CCDC83: variants seen among roughly 807,000 people sequenced by gnomAD.
The protein encoded by CCDC83 is coiled-coil domain-containing protein 83.
A neutral mutation model predicts 50.1 loss-of-function variants in CCDC83; 54 were observed. The ratio of observed to expected loss-of-function variants is 1.08; its 90% confidence interval spans 0.87 to 1.35. CCDC83 has a LOEUF of 1.35. Among genes scored for constraint, CCDC83 ranks in the 40% most tolerant of loss-of-function variants. CCDC83 has a pLI of 0.00. For missense variants in CCDC83, 518 were observed against 473.9 expected (o/e 1.09, Z -0.86); for synonymous variants, 161 against 153.3 (o/e 1.05, Z -0.37).
At chr11:85,859,681 T>C (rs938831367) in intron 1 of CCDC83, among the ~76,000 whole-genome samples, 4 of 152,164 alleles carry the variant, frequency 2.6e-5, no homozygotes, top group African/African-American at 9.7e-5. Context: ...CAAGATGAAT[T>C]AAATACTTAA....
intron 1 of CCDC83, among the ~76,000 whole-genome samples, chr11:85,858,264 G>T (rs907031492): frequency 6.6e-6 from 1 of 152,162 alleles, no homozygotes; most frequent in Non-Finnish European, 1.5e-5. Context: ...TGAGGCAATG[G>T]CTGAAGCCCA....
intron 1 of CCDC83, among the ~76,000 whole-genome samples, chr11:85,859,184 C>T (rs1474699077): frequency 7.9e-6 from 1 of 126,464 alleles, no homozygotes; most frequent in African/African-American, 2.9e-5. Flanking sequence ...AAAAAAACCC[C>T]TAGGAATACA....
intron 6 of CCDC83, among the ~76,000 whole-genome samples, chr11:85,895,918 A>G (rs2093372543): frequency 1.3e-5 from 2 of 152,290 alleles, no homozygotes; most frequent in Admixed American, 6.5e-5. Flanking sequence ...GGCTCAAGCA[A>G]TCCTCTCACG....
rs1470017015 is a variant in CCDC83, at chr11:85,863,640, G to A, written c.-28-1456G>A. On this transcript the variant is annotated intron_variant, in intron 1 of 10. Transcript: ENST00000342404. ...CAGGCAGCATGTCTACAGAGAAAAA[G>A]CGTGTTTTCATATTAACAAGTTTCT... Among the ~76,000 whole-genome samples the A allele has an allele frequency of 4.6e-5, 7 of 152,324 alleles. No homozygotes were observed. In the East Asian group the frequency reaches 1.2e-3, roughly 25 times the overall value.
At chr11:85,863,133 TAGAA>T (rs1157311079) in intron 1 of CCDC83, among the ~76,000 whole-genome samples, 3 of 152,224 alleles carry the variant, frequency 2.0e-5, no homozygotes, top group Admixed American at 6.5e-5. Flanking sequence ...CCATATGACT[TAGAA>T]AGAGATTAAT....
At chr11:85,901,099 G>C (rs1046458593) in intron 7 of CCDC83, among the ~76,000 whole-genome samples, 8 of 151,312 alleles carry the variant, frequency 5.3e-5, no homozygotes, top group African/African-American at 1.9e-4. Flanking sequence ...AGACACATTG[G>C]CTCACATCTA....
chr11:85,886,520 A>G (rs976373428), intron 5 of CCDC83, among the ~76,000 whole-genome samples, 153 bp downstream of exon 5: 1 of 152,096 alleles, frequency 6.6e-6, no homozygotes, highest in Non-Finnish European at 1.5e-5. Flanking sequence ...TGGAGGGAGG[A>G]AGCAGAAAAA....
At chr11:85,870,154 G>A (rs2093229013) in intron 2 of CCDC83, among the ~76,000 whole-genome samples, 1 of 152,236 alleles carries the variant, frequency 6.6e-6, no homozygotes, top group Admixed American at 6.5e-5. Flanking sequence ...TTAAATATGA[G>A]TTTCAGATAA....
chr11:85,877,640 T>C (rs369727749), intron 3 of CCDC83, among the ~76,000 whole-genome samples: 2 of 152,336 alleles, frequency 1.3e-5, no homozygotes, highest in Non-Finnish European at 1.5e-5. Context: ...GTATATTATA[T>C]ACATTTCTTT....
Position 85,917,166 on chromosome 11 carries a change from G to GAGAGAGAGAAAGAA in CCDC83, c.1080+936_1080+937insGAGAGAAAGAAAGA, listed in dbSNP as rs756949334. 4.5e-4 allele frequency among the ~76,000 whole-genome samples: 28 copies of GAGAGAGAGAAAGAA among 62,460 alleles called. No homozygotes were observed. In the East Asian group the frequency reaches 9.7e-3, roughly 22 times the overall value. The allele number at this position is 62,460 out of a possible 152,430, so 41.0% of individuals were successfully genotyped here. A position where few individuals can be genotyped will look rare whatever the true frequency, so the allele number is the denominator to read the frequency against. On this transcript the variant is annotated intron_variant, in intron 10 of 10. Transcript: ENST00000342404. Reference sequence around the variant, plus strand: ...AGAGAGAGAGAGAGAGAGAGAGAGAGAGAAAGAAAGAAAGAAAGAAAGAAA... The same window carrying GAGAGAGAGAAAGAA: ...AGAGAGAGAGAGAGAGAGAGAGAGAGAGAGAGAGAAAGAAAGAAAGAAAGAAAGAAAGAAAGAAA...
intron 3 of CCDC83, among the ~76,000 whole-genome samples, chr11:85,874,090 T>C (rs1055966348): frequency 6.6e-6 from 1 of 152,218 alleles, no homozygotes; most frequent in African/African-American, 2.4e-5. Context: ...GGTATGAGCC[T>C]CAATTTCACT....
At chr11:85,860,340 A>G (rs2093168957) in intron 1 of CCDC83, among the ~76,000 whole-genome samples, 2 of 152,006 alleles carry the variant, frequency 1.3e-5, no homozygotes, top group East Asian at 3.9e-4. Context: ...AAGAACATGA[A>G]CAGATACTTT....
rs767082436 is a variant in CCDC83 at position 85,919,500 on chromosome 11, C to G, written c.1232C>G (p.Ser411Cys). The G allele has an allele frequency of 6.2e-7, 1 of 1,605,922 alleles. No individual in the cohort carries two copies. The highest frequency in any genetic ancestry group is 8.5e-7 in the Non-Finnish European group (1 of 1,176,776). The change falls in exon 11 of 11, where the codon TCT becomes TGT. Residue 411 changes from serine to cysteine, a missense_variant. Ser to Cys is a moderately radical substitution (Grantham distance 112). Coordinates refer to ENST00000342404, the MANE Select transcript of CCDC83 (RefSeq NM_001286159.2). ...CACATCACATATAAGATGATGAAGT[C>G]TTTTCTCTAAGACGGAAAGCTGCAA... ...ESHITYKMMKSFL is the reference protein window; with the variant it reads ...ESHITYKMMKCFL
intron 8 of CCDC83, among the ~76,000 whole-genome samples, chr11:85,913,147 T>G (rs1382394116): frequency 6.6e-6 from 1 of 152,222 alleles, no homozygotes; most frequent in Non-Finnish European, 1.5e-5. Flanking sequence ...GCTTCAGAGT[T>G]GGAAGAAATG....
Position 85,915,405 on chromosome 11 carries a change from A to G in CCDC83, c.795-14A>G. ...TATTGACTGACAGATTGTTTTTCTC[A>G]TTTGTTCTTTTAGGCGACTATATCT... On this transcript the variant is annotated splice_polypyrimidine_tract_variant and intron_variant, in intron 8 of 10. Transcript: ENST00000342404. 6.3e-7 allele frequency: 1 copy of G among 1,592,858 alleles called. No individual in the cohort carries two copies. The highest frequency in any genetic ancestry group is 8.6e-7 in the Non-Finnish European group (1 of 1,165,532).
Position 85,917,168 on chromosome 11 carries a change from GAAAGAA to G in CCDC83, c.1080+937_1080+942del, listed in dbSNP as rs761085930. ...AGAGAGAGAGAGAGAGAGAGAGAGA[GAAAGAA>G]AGAAAGAAAGAAAGAAAGAGAAAGA... On this transcript the variant is annotated intron_variant, in intron 10 of 10. Transcript: ENST00000342404. Among the ~76,000 whole-genome samples the G allele has an allele frequency of 7.2e-5, 5 of 69,612 alleles. No individual in the cohort carries two copies. In the South Asian group the frequency reaches 1.3e-3, roughly 18 times the overall value. 45.7% of individuals were successfully genotyped at this position (69,612 alleles called of 152,430 possible).
intron 10 of CCDC83, among the ~76,000 whole-genome samples, chr11:85,917,480 AATTAGGCTATCT>A (rs2093487865): frequency 6.6e-6 from 1 of 152,168 alleles, no homozygotes; most frequent in Admixed American, 6.5e-5. Context: ...ATAGGATATG[AATTAGGCTATCT>A]TTGGAAAGTA....
intron 6 of CCDC83, among the ~76,000 whole-genome samples, chr11:85,897,419 TTCC>T (rs972687021): frequency 4.6e-5 from 7 of 152,230 alleles, no homozygotes; most frequent in African/African-American, 1.7e-4. Context: ...TGAATGAACT[TTCC>T]TCATTTTAGC....
At chr11:85,896,546 T>C (rs1165031165) in intron 6 of CCDC83, among the ~76,000 whole-genome samples, 1 of 152,010 alleles carries the variant, frequency 6.6e-6, no homozygotes, top group East Asian at 1.9e-4. Context: ...GCTCAACCTG[T>C]GATAATGGTT....
Sources: allele counts gnomAD v4.1 joint callset (sites outside exome capture counted in the v4.1 genomes callset), GRCh38; gene constraint gnomAD v4.1.1; transcripts MANE v1.5; gene names NCBI Gene and HGNC (gene_info 2026-07-23, HGNC 2026-07-21).